TBX22: variants seen among roughly 807,000 people sequenced by gnomAD.
TBX22 encodes the protein T-box transcription factor 22.
In TBX22, 8 loss-of-function variants were observed where a neutral mutation model predicts 30.1. The ratio of observed to expected loss-of-function variants is 0.27; its 90% confidence interval spans 0.16 to 0.48. The LOEUF (loss-of-function observed/expected upper bound fraction) is 0.48. Ranked by LOEUF, TBX22 falls within the 20% of genes least tolerant of loss-of-function variation. The pLI, the probability that TBX22 is intolerant of heterozygous loss-of-function variation, is 0.99. For missense variants in TBX22, 463 were observed against 400.5 expected (o/e 1.16, Z -1.33); for synonymous variants, 173 against 149.1 (o/e 1.16, Z -1.17).
At position 80,023,149 on chromosome X, in the gene TBX22, G is replaced by C. The variant is rs1923804777; in HGVS notation, c.265G>C (p.Glu89Gln). Residue 89 changes from glutamate (E) to glutamine (Q), a missense_variant, in exon 3 of 9, where the codon GAG (glutamate) becomes CAG (glutamine). By Grantham distance (29) the Glu-to-Gln change is conservative. Coordinates refer to ENST00000373296, the MANE Select transcript of TBX22 (RefSeq NM_001109878.2). ...GYGNSSESLE[E>Q]KDIQMELQGS... is the part of the protein sequence containing the mutation. Reference sequence around the variant, plus strand: ...CGGCAACAGCTCTGAAAGTCTGGAAGAGAAAGATATTCAAATGGAGCTTCA... The same window carrying C: ...CGGCAACAGCTCTGAAAGTCTGGAACAGAAAGATATTCAAATGGAGCTTCA... The C allele has an allele frequency of 8.3e-7, 1 of 1,210,189 alleles. No homozygotes were observed. The highest frequency in any genetic ancestry group is 1.1e-6 in the Non-Finnish European group (1 of 895,079).
intron 3 of TBX22, among the ~76,000 whole-genome samples, chrX:80,023,687 G>T (rs1429591): frequency 0.16 from 17,711 of 110,957 alleles, 1,213 homozygotes; most frequent in East Asian, 0.3. Context: ...ACTGCAGCTG[G>T]TTATTTTGTG....
rs759603656 is a variant in TBX22 at position 80,023,414 on chromosome X, T to C, written c.356+174T>C. 14 of 473,885 alleles carry C rather than the reference T, an allele frequency of 3.0e-5. No individual in the cohort carries two copies. The East Asian group carries it at 5.2e-4, about 18-fold the overall frequency. 39.1% of individuals were successfully genotyped at this position (473,885 alleles called of 1,213,427 possible). ...CCCCTCAATTGATAGGGCTCGGACT[T>C]ACCTGGCCCCATGTAAGTGGCTCAT... is the stretch of plus-strand genomic sequence containing the variant. On this transcript the variant is annotated intron_variant, in intron 3 of 8. Coordinates refer to ENST00000373296, the MANE Select transcript of TBX22 (RefSeq NM_001109878.2).
Position 80,030,703 on chromosome X carries a change from T to C in TBX22, c.1155T>C (p.Pro385=). Residue 385 remains proline (P), a synonymous_variant, in exon 9 of 9, where the codon CCT becomes CCC. Transcript: ENST00000373296. The stretch of plus-strand genomic sequence containing the variant: ...CAACTAATTTTTGGCAACAGCAACC[T>C]CTTGTTTTACCGGCTCCTGAAAGAC... ...ICPTNFWQQQ[P]LVLPAPERLA... is the part of the protein sequence containing the mutation. 1 of 1,211,869 alleles carries C rather than the reference T, an allele frequency of 8.3e-7. No homozygotes were observed. Among genetic ancestry groups the C allele is most frequent in the Non-Finnish European group, 1.1e-6 (1 of 895,503 alleles).
In TBX22 at chrX:80,030,945, G is replaced by C; in HGVS notation, c.1397G>C (p.Cys466Ser). 8.3e-7 allele frequency: 1 copy of C among 1,211,563 alleles called. No individual in the cohort carries two copies. ...TCCATCACCCCAGAAGCACTTAGTT[G>C]CTCCTTTCATCCTTCCTATGACTTT... ...PNSITPEALSCSFHPSYDFYR... is the reference protein window; with the variant it reads ...PNSITPEALSSSFHPSYDFYR... The change falls in exon 9 of 9, where the codon TGC (cysteine) becomes TCC (serine). Residue 466 changes from cysteine (C) to serine (S), a missense_variant. Transcript: ENST00000373296.
chrX:80,028,968 A>C (rs1438655934), intron 8 of TBX22, among the ~76,000 whole-genome samples: 3 of 110,712 alleles, frequency 2.7e-5, no homozygotes, highest in Non-Finnish European at 5.7e-5. Context: ...GAAAAAAAAA[A>C]CACTTATTTT....
chrX:80,023,349 C>A, intron 3 of TBX22, 109 bp downstream of exon 3: 1 of 788,105 alleles, frequency 1.3e-6, no homozygotes, highest in Admixed American at 2.5e-5. Flanking sequence ...CTCCTCTGTC[C>A]CTTTTCCCCA....
intron 5 of TBX22, among the ~76,000 whole-genome samples, chrX:80,026,114 A>G (rs1330856625): frequency 1.8e-5 from 2 of 111,148 alleles, no homozygotes; most frequent in African/African-American, 6.6e-5. Context: ...ATGATCTCTG[A>G]TTGCCTTCCT....
Position 80,015,762 on chromosome X carries a change from T to C in TBX22, c.-3+875T>C, listed in dbSNP as rs186001495. Among the ~76,000 whole-genome samples the C allele has an allele frequency of 7.1e-5, 8 of 112,082 alleles. 1 individual carries two copies. In the Admixed American group the frequency reaches 7.5e-4, roughly 11 times the overall value. ...TGGTGATATGGTTGCTTTGTTTCAG[T>C]TCAGCAGACTTATCTCCATGAAGAC... On this transcript the variant is annotated intron_variant, in intron 1 of 8. Coordinates refer to ENST00000373296, the MANE Select transcript of TBX22 (RefSeq NM_001109878.2).
In TBX22 at chrX:80,023,133, C is replaced by T. The variant is rs763135696; in HGVS notation, c.249C>T (p.Ser83=). Residue 83 remains serine (S), a synonymous_variant, in exon 3 of 9, where the codon AGC becomes AGT. Transcript: ENST00000373296. ...GCAGCGACAGCGGCTACGGCAACAG[C>T]TCTGAAAGTCTGGAAGAGAAAGATA... ...GCGSDSGYGN[S]SESLEEKDIQ... 3 of 1,211,537 alleles carry T rather than the reference C, an allele frequency of 2.5e-6. No individual in the cohort carries two copies. The highest frequency in any genetic ancestry group is 3.4e-6 in the Non-Finnish European group (3 of 895,218).
rs143779422 is a variant in TBX22 at position 80,025,896 on chromosome X, G to C, written c.633+119G>C. 777 of 625,183 alleles carry C rather than the reference G, an allele frequency of 1.2e-3. 3 individuals are homozygous for C. The African/African-American group carries it at 0.015, about 12-fold the overall frequency. 51.5% of individuals were successfully genotyped at this position (625,183 alleles called of 1,213,427 possible). ...GCACATGTTGTGTTTTTTAGGAACT[G>C]TTCAAGCCCTGCACCTGTAAGTAAA... On this transcript the variant is annotated intron_variant, in intron 5 of 8. Coordinates refer to ENST00000373296, the MANE Select transcript of TBX22 (RefSeq NM_001109878.2).
chrX:80,022,019 A>T (rs1319828138), intron 1 of TBX22, among the ~76,000 whole-genome samples: 1 of 91,475 alleles, frequency 1.1e-5, no homozygotes, highest in Non-Finnish European at 2.1e-5. Flanking sequence ...ATATGTATAT[A>T]AAAAAATTAC....
In TBX22 at chrX:80,026,860, A is replaced by T. The variant is rs28935177; in HGVS notation, c.790A>T (p.Asn264Tyr). 1 of 1,211,698 alleles carries T rather than the reference A, an allele frequency of 8.3e-7. No homozygotes were observed. The highest frequency in any genetic ancestry group is 1.1e-6 in the Non-Finnish European group (1 of 895,361). ...TEFTTVTAYQ[N>Y]QQITKLKIER... ...GTTCACCACAGTAACGGCTTACCAA[A>T]ACCAACAGGTAAACTTGGTCATGTC... Residue 264 changes from asparagine (N) to tyrosine (Y), a missense_variant, in exon 6 of 9, where the codon AAC becomes TAC. Transcript: ENST00000373296.
At chrX:80,015,560 G>C (rs6616419) in intron 1 of TBX22, among the ~76,000 whole-genome samples, 26,631 of 111,658 alleles carry the variant, frequency 0.24, 2,399 homozygotes, top group East Asian at 0.37. Flanking sequence ...TGCCAAAAAA[G>C]ATTGTTTTAT....
intron 1 of TBX22, among the ~76,000 whole-genome samples, chrX:80,016,823 T>C (rs1923457005): frequency 1.8e-5 from 2 of 109,658 alleles, no homozygotes; most frequent in Admixed American, 1.9e-4. Context: ...CTGGCCAACA[T>C]GGTGAAACCC....
chrX:80,031,763 T>G lies in TBX22; in HGVS notation c.*652T>G, dbSNP rs181892863. On this transcript the variant is annotated 3_prime_UTR_variant, in exon 9 of 9. Transcript: ENST00000373296. ...AAAACACTCTAAATAAATTTGCTTT[T>G]ATTTTCTTTTATTTTTGGATAATTC... 1 of 111,873 alleles carries G rather than the reference T, an allele frequency of 8.9e-6. No individual in the cohort carries two copies. Among genetic ancestry groups the G allele is most frequent in the Admixed American group, 9.5e-5 (1 of 10,492 alleles). The allele number at this position is 111,873 out of a possible 1,213,427, so 9.2% of individuals were successfully genotyped here. A position where few individuals can be genotyped will look rare whatever the true frequency, so the allele number is the denominator to read the frequency against.
At chrX:80,024,716 C>T (rs1405750804) in intron 4 of TBX22, among the ~76,000 whole-genome samples, 4 of 111,904 alleles carry the variant, frequency 3.6e-5, no homozygotes, top group East Asian at 5.6e-4. Flanking sequence ...ATGTCTGGGT[C>T]TTAGAGGGTA....
intron 1 of TBX22, among the ~76,000 whole-genome samples, chrX:80,022,027 TACACACACACACACACACAC>T (rs200577659): frequency 1.1e-5 from 1 of 92,948 alleles, no homozygotes; most frequent in Non-Finnish European, 2.2e-5. Flanking sequence ...ATAAAAAAAT[TACACACACACACACACACAC>T]ACACACACAC....
At chrX:80,014,974 A>G (rs1176410242) in intron 1 of TBX22, 87 bp downstream of exon 1, 1 of 111,346 alleles carries the variant, frequency 9.0e-6, no homozygotes, top group African/African-American at 3.3e-5. Context: ...CTCTCCTGTT[A>G]ACTATCACTA....
chrX:80,028,896 C>T (rs1163805313), intron 8 of TBX22, among the ~76,000 whole-genome samples: 1 of 108,533 alleles, frequency 9.2e-6, no homozygotes, highest in East Asian at 2.9e-4. Context: ...GAAGTGAAGT[C>T]TAATCATTTG....
Sources: gnomAD v4.1 joint callset for allele counts (sites outside exome capture counted in the v4.1 genomes callset) on GRCh38, gnomAD v4.1.1 for gene constraint, MANE v1.5 for transcripts, NCBI Gene and HGNC (gene_info 2026-07-23, HGNC 2026-07-21) for gene names.